GMEB1: variants seen among roughly 807,000 people sequenced by gnomAD.
The protein encoded by GMEB1 is glucocorticoid modulatory element-binding protein 1.
GMEB1 carries 6 observed loss-of-function variants against 52.4 expected under a neutral mutation model. That is an observed-to-expected ratio of 0.11 (90% CI 0.06 to 0.23). The LOEUF is 0.23. Among genes scored for constraint, GMEB1 ranks in the 10% least tolerant of loss-of-function variants. The probability of loss-of-function intolerance (pLI) is 1.00; values close to 1 mark genes in which losing one functional copy is unlikely to be tolerated. For missense variants in GMEB1, 486 were observed against 685.6 expected (o/e 0.71, Z 3.25); for synonymous variants, 255 against 244.9 (o/e 1.04, Z -0.38).
chr1:28,694,700 G>T (rs1391462217), intron 5 of GMEB1, among the ~76,000 whole-genome samples: 1 of 150,016 alleles, frequency 6.7e-6, no homozygotes, highest in African/African-American at 2.5e-5. Flanking sequence ...TTGGGATCTT[G>T]CTGTGTCGCC....
intron 8 of GMEB1, among the ~76,000 whole-genome samples, chr1:28,706,306 A>G (rs914766225): frequency 1.3e-5 from 2 of 151,776 alleles, no homozygotes. Context: ...TTCTAATCTA[A>G]TAGAAATGGG....
At chr1:28,704,071 G>A (rs997244192) in intron 7 of GMEB1, 121 bp from the exon 8 acceptor site, 2 of 938,996 alleles carry the variant, frequency 2.1e-6, no homozygotes, top group African/African-American at 3.4e-5. Context: ...CTTTTTTCAG[G>A]AATGGCCCAA....
At chr1:28,690,532 T>C (rs979300405) in intron 3 of GMEB1, among the ~76,000 whole-genome samples, 8 of 152,194 alleles carry the variant, frequency 5.3e-5, no homozygotes, top group African/African-American at 1.9e-4. Context: ...TAGAAGGCAG[T>C]CAGTGGAAAG....
At chr1:28,712,875 G>A (rs1007714958) in intron 9 of GMEB1, among the ~76,000 whole-genome samples, 5 of 151,306 alleles carry the variant, frequency 3.3e-5, no homozygotes, top group Non-Finnish European at 5.9e-5. Flanking sequence ...ACGCTGGGCC[G>A]GGCATGGTGG....
At chr1:28,692,016 CTT>C (rs1263190636) in intron 4 of GMEB1, among the ~76,000 whole-genome samples, 3 of 133,934 alleles carry the variant, frequency 2.2e-5, no homozygotes, top group Non-Finnish European at 4.9e-5. Flanking sequence ...CCTTGGCTTT[CTT>C]TTTTTTTTTT....
chr1:28,669,853 G>A (rs561085711), intron 1 of GMEB1, among the ~76,000 whole-genome samples: 1 of 152,252 alleles, frequency 6.6e-6, no homozygotes, highest in South Asian at 2.1e-4. Flanking sequence ...ATCTAATTGA[G>A]GGGCAGGAGA....
chr1:28,676,598 C>T (rs757144269), intron 1 of GMEB1, among the ~76,000 whole-genome samples: 3 of 151,906 alleles, frequency 2.0e-5, no homozygotes, highest in East Asian at 1.9e-4. Flanking sequence ...TGGTGGCAGG[C>T]GCCTGTAGTC....
At chr1:28,694,515 A>AT (rs1358857106) in intron 5 of GMEB1, among the ~76,000 whole-genome samples, 4 of 123,150 alleles carry the variant, frequency 3.2e-5, no homozygotes, top group Non-Finnish European at 3.6e-5. Flanking sequence ...AAAAAGAGCA[A>AT]TTGAAAAAAA....
intron 8 of GMEB1, among the ~76,000 whole-genome samples, chr1:28,706,659 C>A (rs1037813977): frequency 6.7e-6 from 1 of 149,620 alleles, no homozygotes; most frequent in Non-Finnish European, 1.5e-5. Context: ...TCAGTGAATT[C>A]TTATTTATTT....
chr1:28,683,285 G>A (rs1338355565), intron 1 of GMEB1, among the ~76,000 whole-genome samples: 1 of 151,918 alleles, frequency 6.6e-6, no homozygotes, highest in Non-Finnish European at 1.5e-5. Flanking sequence ...GGGTGCAATG[G>A]CATGATCTCG....
intron 2 of GMEB1, among the ~76,000 whole-genome samples, 194 bp downstream of exon 2, chr1:28,683,934 T>A (rs1669511502): frequency 6.6e-6 from 1 of 152,168 alleles, no homozygotes; most frequent in African/African-American, 2.4e-5. Flanking sequence ...AGTTACTTGT[T>A]TCCTTGTATC....
chr1:28,714,474 A>G lies in GMEB1; in HGVS notation c.1393A>G (p.Ser465Gly), dbSNP rs769920474. The change falls in exon 10 of 10, where the codon AGC becomes GGC. Residue 465 changes from serine (S) to glycine (G), a missense_variant. Physicochemically the swap from Ser to Gly is moderately conservative, Grantham distance 56 (BLOSUM62 0). Coordinates refer to ENST00000373816, the MANE Select transcript of GMEB1 (RefSeq NM_001319674.2). ...CCCTTCATCTAGCTTGGCGCTGCTG[A>G]GCTCTACTGCCATGCAGGATGGGAG... ...IHPSSSLALL[S>G]STAMQDGSTL... 6.2e-6 allele frequency: 10 copies of G among 1,614,062 alleles called. No individual in the cohort carries two copies. In the Admixed American group the frequency reaches 1.7e-4, roughly 27 times the overall value.
intron 9 of GMEB1, 86 bp downstream of exon 9, chr1:28,710,728 C>CTT (rs11415888): frequency 8.3e-3 from 5,597 of 675,004 alleles, no homozygotes; most frequent in East Asian, 0.026. Context: ...GTTGGGGTAA[C>CTT]TTTTTTTTTT....
intron 1 of GMEB1, among the ~76,000 whole-genome samples, chr1:28,674,403 T>C (rs913055218): frequency 6.6e-6 from 1 of 152,026 alleles, no homozygotes; most frequent in African/African-American, 2.4e-5. Context: ...TATTTATTTA[T>C]TTATTTATTT....
At chr1:28,691,777 C>T in intron 4 of GMEB1, 68 bp downstream of exon 4, 3 of 656,540 alleles carry the variant, frequency 4.6e-6, no homozygotes, top group South Asian at 3.7e-5. Context: ...GAGTTCCATG[C>T]ATCCTTTTTA....
chr1:28,695,240 A>G (rs1216655072), intron 5 of GMEB1, among the ~76,000 whole-genome samples: 2 of 151,920 alleles, frequency 1.3e-5, no homozygotes, highest in Non-Finnish European at 2.9e-5. Flanking sequence ...TGCTGGGATT[A>G]CAGGCGTGAG....
At position 28,717,976 on chromosome 1, in the gene GMEB1, A is replaced by G. The variant is rs1025268164; in HGVS notation, c.*3203A>G. ...ATGAATTTTCCAGCTGGTGAAATAC[A>G]TGAGCTTTGTTGTTTTCCTGGTCTT... On this transcript the variant is annotated 3_prime_UTR_variant, in exon 10 of 10. Transcript: ENST00000373816. 6.6e-6 allele frequency: 1 copy of G among 152,172 alleles called. No homozygotes were observed. Among genetic ancestry groups the G allele is most frequent in the Non-Finnish European group, 1.5e-5 (1 of 68,026 alleles). The allele number at this position is 152,172 out of a possible 1,614,324, so 9.4% of individuals were successfully genotyped here. A position where few individuals can be genotyped will look rare whatever the true frequency, so the allele number is the denominator to read the frequency against.
intron 5 of GMEB1, among the ~76,000 whole-genome samples, chr1:28,694,960 C>G (rs1017946436): frequency 2.1e-5 from 3 of 143,898 alleles, no homozygotes; most frequent in East Asian, 2.0e-4. Flanking sequence ...CCGTGGCCAG[C>G]CTTTTTTTTT....
At chr1:28,685,521 G>C (rs1418512980) in intron 2 of GMEB1, among the ~76,000 whole-genome samples, 1 of 152,132 alleles carries the variant, frequency 6.6e-6, no homozygotes, top group Admixed American at 6.6e-5. Flanking sequence ...ACATAATGAT[G>C]ATTCGTAGGG....
Sources: gnomAD v4.1 joint callset for allele counts (sites outside exome capture counted in the v4.1 genomes callset) on GRCh38, gnomAD v4.1.1 for gene constraint, MANE v1.5 for transcripts, NCBI Gene and HGNC (gene_info 2026-07-23, HGNC 2026-07-21) for gene names.